The following DCDC1 variants were observed in gnomAD, a reference collection of about 807,000 sequenced individuals.
DCDC1 encodes doublecortin domain-containing protein 1.
A neutral mutation model predicts 178.3 loss-of-function variants in DCDC1; 200 were observed. The observed-to-expected ratio is 1.12, with a 90% CI of 1.00 to 1.26. The LOEUF (loss-of-function observed/expected upper bound fraction) is 1.26. Among genes scored for constraint, DCDC1 ranks in the 50% most tolerant of loss-of-function variants. The probability of loss-of-function intolerance (pLI) is 0.00; values close to 1 mark genes in which losing one functional copy is unlikely to be tolerated. For missense variants in DCDC1, 1,983 were observed against 1,749.2 expected (o/e 1.13, Z -2.38); for synonymous variants, 690 against 604.8 (o/e 1.14, Z -2.07).
At chr11:31,342,199 T>C (rs889554204) in intron 1 of DCDC1, among the ~76,000 whole-genome samples, 2 of 152,178 alleles carry the variant, frequency 1.3e-5, no homozygotes, top group Admixed American at 1.3e-4. Flanking sequence ...TCAAAGATTA[T>C]GAGACTACAC....
At chr11:31,140,329 A>G (rs1391019355) in intron 9 of DCDC1, among the ~76,000 whole-genome samples, 1 of 152,228 alleles carries the variant, frequency 6.6e-6, no homozygotes, top group Non-Finnish European at 1.5e-5. Flanking sequence ...AAATTTGTAT[A>G]TAACTGAAAA....
chr11:31,098,307 G>T (rs1350250790), intron 15 of DCDC1, among the ~76,000 whole-genome samples: 1 of 152,142 alleles, frequency 6.6e-6, no homozygotes, highest in Non-Finnish European at 1.5e-5. Context: ...TAAAAATGTT[G>T]CCAATTTAAG....
At chr11:31,077,284 T>G (rs1303448132) in intron 18 of DCDC1, among the ~76,000 whole-genome samples, 2 of 152,204 alleles carry the variant, frequency 1.3e-5, no homozygotes, top group South Asian at 4.1e-4. Context: ...CATTAACATA[T>G]TATCCAGTGT....
intron 1 of DCDC1, among the ~76,000 whole-genome samples, chr11:31,336,747 G>A (rs1950291511): frequency 6.6e-6 from 1 of 152,184 alleles, no homozygotes; most frequent in Non-Finnish European, 1.5e-5. Flanking sequence ...CTAAAATAAA[G>A]ACTGTATTTT....
At chr11:31,122,083 C>G (rs1960894751) in intron 11 of DCDC1, among the ~76,000 whole-genome samples, 1 of 151,976 alleles carries the variant, frequency 6.6e-6, no homozygotes, top group African/African-American at 2.4e-5. Flanking sequence ...GTAGGCCATT[C>G]CATATACACC....
chr11:30,877,470 T>G (rs1226427270), intron 38 of DCDC1, among the ~76,000 whole-genome samples: 1 of 152,210 alleles, frequency 6.6e-6, no homozygotes, highest in East Asian at 1.9e-4. Context: ...CTTCCCTACC[T>G]GTAGGATTAA....
chr11:31,325,403 G>A (rs993218050), intron 3 of DCDC1, among the ~76,000 whole-genome samples: 2 of 152,118 alleles, frequency 1.3e-5, no homozygotes, highest in African/African-American at 4.8e-5. Flanking sequence ...CATTTTTTTA[G>A]TCACATGACC....
At chr11:31,148,208 T>C (rs1365125) in intron 9 of DCDC1, among the ~76,000 whole-genome samples, 103 of 100,276 alleles carry the variant, frequency 1.0e-3, no homozygotes, top group African/African-American at 5.2e-3. Flanking sequence ...AATTTATTAT[T>C]ATAAAAAAAA....
intron 1 of DCDC1, among the ~76,000 whole-genome samples, chr11:31,347,068 G>C (rs1332814307): frequency 6.6e-6 from 1 of 152,108 alleles, no homozygotes; most frequent in African/African-American, 2.4e-5. Flanking sequence ...AATTGTATTA[G>C]AGAGTACATG....
intron 7 of DCDC1, among the ~76,000 whole-genome samples, chr11:31,274,272 A>T (rs1945808181): frequency 6.6e-6 from 1 of 152,222 alleles, no homozygotes; most frequent in Non-Finnish European, 1.5e-5. Context: ...GACAACTCCC[A>T]AATTGATATG....
intron 21 of DCDC1, among the ~76,000 whole-genome samples, chr11:30,948,565 G>T (rs1479260651): frequency 6.6e-6 from 1 of 152,098 alleles, no homozygotes; most frequent in Non-Finnish European, 1.5e-5. Context: ...TAAGCTAAAA[G>T]AACAAAGCTG....
chr11:31,151,216 G>T (rs115727589), intron 9 of DCDC1, among the ~76,000 whole-genome samples: 1 of 152,126 alleles, frequency 6.6e-6, no homozygotes, highest in Admixed American at 6.5e-5. Context: ...AACTTCAGCC[G>T]CTTATGATTT....
chr11:31,357,489 T>G (rs1182556959), intron 1 of DCDC1, among the ~76,000 whole-genome samples: 1 of 152,070 alleles, frequency 6.6e-6, no homozygotes, highest in African/African-American at 2.4e-5. Context: ...TCATACTGAA[T>G]GGGCAAAAAT....
At chr11:31,292,855 A>G (rs1201622817) in intron 6 of DCDC1, among the ~76,000 whole-genome samples, 3 of 152,142 alleles carry the variant, frequency 2.0e-5, no homozygotes, top group Non-Finnish European at 4.4e-5. Flanking sequence ...GGGAAAAAAA[A>G]AAATCTCTCA....
intron 27 of DCDC1, among the ~76,000 whole-genome samples, chr11:30,914,635 A>C (rs1283199339): frequency 2.9e-5 from 3 of 104,126 alleles, no homozygotes; most frequent in African/African-American, 1.3e-4. Context: ...ATGCACCCAA[A>C]AAAAAAAAAA....
intron 2 of DCDC1, among the ~76,000 whole-genome samples, chr11:31,330,826 T>C (rs1949939877): frequency 6.6e-6 from 1 of 152,234 alleles, no homozygotes; most frequent in Admixed American, 6.5e-5. Context: ...TGAAGTCAGG[T>C]AGCGTAATGT....
chr11:30,899,553 T>C lies in DCDC1; in HGVS notation c.4753A>G (p.Arg1585Gly). 1 of 1,571,076 alleles carries C rather than the reference T, an allele frequency of 6.4e-7. No homozygotes were observed. Among genetic ancestry groups the C allele is most frequent in the Non-Finnish European group, 8.6e-7 (1 of 1,159,714 alleles). Reference sequence around the variant, plus strand: ...AGTTCATACTGACCTTTTAACTGTCTCATTTTGTGTCTCATGGTATCTAGA... The same window carrying C: ...AGTTCATACTGACCTTTTAACTGTCCCATTTTGTGTCTCATGGTATCTAGA... Reference protein sequence around the residue: ...ADLDTMRHKMRQLKGRRVAAC... With the variant: ...ADLDTMRHKMGQLKGRRVAAC... Residue 1585 changes from arginine to glycine, a missense_variant, in exon 34 of 39, where the codon AGA becomes GGA. Physicochemically the swap from Arg to Gly is moderately radical, Grantham distance 125. Coordinates refer to ENST00000684477, the MANE Select transcript of DCDC1 (RefSeq NM_001387274.1).
intron 9 of DCDC1, among the ~76,000 whole-genome samples, chr11:31,201,807 C>G (rs1048613602): frequency 1.3e-5 from 2 of 151,962 alleles, no homozygotes; most frequent in Non-Finnish European, 2.9e-5. Flanking sequence ...AAAAATAAGA[C>G]AGTTGGGAGG....
At chr11:31,319,360 T>C (rs1949242885) in intron 3 of DCDC1, among the ~76,000 whole-genome samples, 1 of 62,266 alleles carries the variant, frequency 1.6e-5, no homozygotes, top group South Asian at 4.5e-4. Flanking sequence ...GGTGCATAAA[T>C]ATTTAGGATA....
Sources: allele counts gnomAD v4.1 joint callset (sites outside exome capture counted in the v4.1 genomes callset), GRCh38; gene constraint gnomAD v4.1.1; transcripts MANE v1.5; gene names NCBI Gene and HGNC (gene_info 2026-07-23, HGNC 2026-07-21).